The following C11orf58 variants were observed in gnomAD, a reference collection of about 807,000 sequenced individuals.
The protein encoded by C11orf58 is small acidic protein.
A neutral mutation model predicts 22.7 loss-of-function variants in C11orf58; 5 were observed. The ratio of observed to expected loss-of-function variants is 0.22; its 90% CI spans 0.12 to 0.46. C11orf58 has a LOEUF of 0.46. Ranked by LOEUF, C11orf58 falls within the 20% of genes least tolerant of loss-of-function variation. The probability of loss-of-function intolerance (pLI) is 0.99; values close to 1 mark genes in which losing one functional copy is unlikely to be tolerated. For missense variants in C11orf58, 151 were observed against 223.3 expected (o/e 0.68, Z 2.06); for synonymous variants, 71 against 70.7 (o/e 1.00, Z -0.02).
At position 16,756,263 on chromosome 11, in the gene C11orf58, A is replaced by ATTTTTTTTT; in HGVS notation, c.*1175_*1183dup. ...TTAAAGGATGTATTTGGAGTGTTGG[A>ATTTTTTTTT]TTTTTTTTTTTTTTTTTTTTTTTTG... On this transcript the variant is annotated 3_prime_UTR_variant, in exon 5 of 5. Coordinates refer to ENST00000228136, the MANE Select transcript of C11orf58 (RefSeq NM_014267.6). The ATTTTTTTTT allele has an allele frequency of 1.0e-5, 1 of 95,670 alleles. No homozygotes were observed. The highest frequency in any genetic ancestry group is 2.0e-5 in the Non-Finnish European group (1 of 49,082). 5.9% of individuals were successfully genotyped at this position (95,670 alleles called of 1,614,324 possible). A position where few individuals can be genotyped will look rare whatever the true frequency, so the allele number is the denominator to read the frequency against.
At position 16,745,138 on chromosome 11, in the gene C11orf58, T is replaced by C. The variant is rs574548268; in HGVS notation, c.147+454T>C. Among the ~76,000 whole-genome samples, 22 of 152,324 alleles carry C rather than the reference T, an allele frequency of 1.4e-4. No individual in the cohort carries two copies. The East Asian group carries it at 3.9e-3, about 27-fold the overall frequency. On this transcript the variant is annotated intron_variant, in intron 2 of 4. Transcript: ENST00000228136. ...AAAACTTAATTTTAAGACTACACTT[T>C]CAGAGATTATTTCTATAGTTTGTTA...
At chr11:16,739,199 C>T (rs1359261774) in intron 1 of C11orf58, among the ~76,000 whole-genome samples, 2 of 152,114 alleles carry the variant, frequency 1.3e-5, no homozygotes, top group Non-Finnish European at 2.9e-5. Flanking sequence ...AAGACTCTCC[C>T]TGTTTTGGGT....
Position 16,757,142 on chromosome 11 carries a change from C to T in C11orf58, c.*2038C>T, listed in dbSNP as rs1350281723. On this transcript the variant is annotated 3_prime_UTR_variant, in exon 5 of 5. Coordinates refer to ENST00000228136, the MANE Select transcript of C11orf58 (RefSeq NM_014267.6). ...CAATACATATGACATTTAACAAATA[C>T]TTGGTTTGAAAAAGTTTGGCTTTAT... is the stretch of plus-strand genomic sequence containing the variant. 6.6e-6 allele frequency among the ~76,000 whole-genome samples: 1 copy of T among 151,830 alleles called. No individual in the cohort carries two copies. The highest frequency in any genetic ancestry group is 2.4e-5 in the African/African-American group (1 of 41,300).
intron 3 of C11orf58, chr11:16,751,086 G>A (rs532340218): frequency 1.6e-4 from 25 of 152,240 alleles, no homozygotes; most frequent in Admixed American, 4.6e-4. Flanking sequence ...GAAGAGAGAC[G>A]GCTTCCTAAA....
Position 16,741,760 on chromosome 11 carries a change from A to T in C11orf58, c.64-2841A>T, listed in dbSNP as rs145186108. ...CACATGCGAGTGATCTAGGTTGCAC[A>T]CTCCTTATGAGAATCTAATGCCAGA... On this transcript the variant is annotated intron_variant, in intron 1 of 4. Transcript: ENST00000228136. Among the ~76,000 whole-genome samples the T allele has an allele frequency of 6.9e-3, 1,045 of 152,088 alleles. 13 individuals carry two copies. Among genetic ancestry groups the T allele is most frequent in the African/African-American group, 0.023 (942 of 41,468 alleles).
At chr11:16,750,665 T>A (rs1339239052) in intron 3 of C11orf58, 1 of 154,148 alleles carries the variant, frequency 6.5e-6, no homozygotes, top group Non-Finnish European at 1.5e-5. Flanking sequence ...AAGGCAACAA[T>A]GCTTGTTTTT....
intron 2 of C11orf58, 52 bp from the exon 3 acceptor site, chr11:16,748,045 T>C (rs1026329655): frequency 7.2e-7 from 1 of 1,383,376 alleles, no homozygotes; most frequent in Non-Finnish European, 1.0e-6. Flanking sequence ...AGATACCCAA[T>C]AAGGTTAAAT....
chr11:16,738,940 C>A, intron 1 of C11orf58, 99 bp downstream of exon 1: 1 of 1,332,666 alleles, frequency 7.5e-7, no homozygotes, highest in Non-Finnish European at 1.1e-6. Context: ...AGGTGGCCTG[C>A]AGCGGGAGAG....
At chr11:16,753,906 C>G in intron 4 of C11orf58, 1 of 540,294 alleles carries the variant, frequency 1.9e-6, no homozygotes, top group South Asian at 2.5e-5. Context: ...GCTATGTTGC[C>G]CAGGCTGGTC....
At position 16,738,812 on chromosome 11, in the gene C11orf58, G is replaced by A; in HGVS notation, c.34G>A (p.Val12Met). 2 of 1,614,174 alleles carry A rather than the reference G, an allele frequency of 1.2e-6. No individual in the cohort carries two copies. The highest frequency in any genetic ancestry group is 2.2e-5 in the East Asian group (1 of 44,874). Reference protein sequence around the residue: ...SAARESHPHGVKRSASPDDDL... With the variant: ...SAARESHPHGMKRSASPDDDL... ...TGCCAGAGAGTCTCACCCGCATGGG[G>A]TGAAGCGTTCAGCCTCCCCAGACGA... The change falls in exon 1 of 5, where the codon GTG (valine) becomes ATG (methionine). Residue 12 changes from valine to methionine, a missense_variant. Transcript: ENST00000228136.
In C11orf58 at chr11:16,758,089, A is replaced by G. The variant is rs1405024131; in HGVS notation, c.*2985A>G. 6.6e-6 allele frequency among the ~76,000 whole-genome samples: 1 copy of G among 152,178 alleles called. No individual in the cohort carries two copies. Among genetic ancestry groups the G allele is most frequent in the African/African-American group, 2.4e-5 (1 of 41,428 alleles). Reference sequence around the variant, plus strand: ...AAACAACTTCTAAAATCACTCAATAAAAGTATTCACTTCTAACCAACTCCT... The same window carrying G: ...AAACAACTTCTAAAATCACTCAATAGAAGTATTCACTTCTAACCAACTCCT... On this transcript the variant is annotated 3_prime_UTR_variant, in exon 5 of 5. Transcript: ENST00000228136.
In C11orf58 at chr11:16,748,085, A is replaced by T. The variant is rs750494651; in HGVS notation, c.148-12A>T. On this transcript the variant is annotated splice_polypyrimidine_tract_variant and intron_variant, in intron 2 of 4. Transcript: ENST00000228136. Reference sequence around the variant, plus strand: ...GGTCTCAAATGCTAATACATTTTCAACCTTCTTATAGAAAGAACATACTGG... The same window carrying T: ...GGTCTCAAATGCTAATACATTTTCATCCTTCTTATAGAAAGAACATACTGG... The T allele has an allele frequency of 1.2e-6, 2 of 1,606,378 alleles. No individual in the cohort carries two copies. The highest frequency in any genetic ancestry group is 2.2e-5 in the East Asian group (1 of 44,760).
chr11:16,754,585 T>A (rs1224221548), intron 4 of C11orf58, among the ~76,000 whole-genome samples: 69 of 107,408 alleles, frequency 6.4e-4, no homozygotes, highest in African/African-American at 2.3e-3. Context: ...TTTTTTTTTT[T>A]AAGAGACAGG....
At chr11:16,744,841 A>T (rs780791634) in intron 2 of C11orf58, among the ~76,000 whole-genome samples, 157 bp downstream of exon 2, 2 of 152,218 alleles carry the variant, frequency 1.3e-5, no homozygotes, top group Non-Finnish European at 2.9e-5. Context: ...AACCAAGCAC[A>T]TAAAATTTAT....
At chr11:16,752,956 C>A in intron 4 of C11orf58, 62 bp downstream of exon 4, 1 of 1,263,408 alleles carries the variant, frequency 7.9e-7, no homozygotes, top group Non-Finnish European at 1.1e-6. Flanking sequence ...CCATTTATTG[C>A]TGTTAGATTA....
chr11:16,744,697 T>C lies in C11orf58; in HGVS notation c.147+13T>C. On this transcript the variant is annotated intron_variant, in intron 2 of 4. Coordinates refer to ENST00000228136, the MANE Select transcript of C11orf58 (RefSeq NM_014267.6). ...GGGTGCAGGAAAGGTAAGCATCAGATGGTGTGCATTTTTACCTTTTCTGTG... is the reference window on the plus strand; with the variant it reads ...GGGTGCAGGAAAGGTAAGCATCAGACGGTGTGCATTTTTACCTTTTCTGTG... 6.2e-7 allele frequency: 1 copy of C among 1,609,212 alleles called. No homozygotes were observed. The highest frequency in any genetic ancestry group is 1.1e-5 in the South Asian group (1 of 90,166).
At chr11:16,750,295 A>T (rs1422500227) in intron 3 of C11orf58, 1 of 152,262 alleles carries the variant, frequency 6.6e-6, no homozygotes, top group Non-Finnish European at 1.5e-5. Context: ...ACCCTGCATT[A>T]AAAGACAAGC....
At chr11:16,745,326 C>T (rs180686846) in intron 2 of C11orf58, among the ~76,000 whole-genome samples, 1 of 152,136 alleles carries the variant, frequency 6.6e-6, no homozygotes, top group East Asian at 1.9e-4. Context: ...GCTGGTTCTG[C>T]AGGCAGTCAG....
chr11:16,740,373 T>C (rs1019251120), intron 1 of C11orf58, among the ~76,000 whole-genome samples: 4 of 152,178 alleles, frequency 2.6e-5, no homozygotes, highest in African/African-American at 9.7e-5. Flanking sequence ...CCCAATCATA[T>C]AAGCGTATCT....
Sources: allele counts gnomAD v4.1 joint callset (sites outside exome capture counted in the v4.1 genomes callset), GRCh38; gene constraint gnomAD v4.1.1; transcripts MANE v1.5; gene names NCBI Gene and HGNC (gene_info 2026-07-23, HGNC 2026-07-21).